COMMD1: variants seen among roughly 807,000 people sequenced by gnomAD.
COMMD1 encodes copper metabolism domain containing 1.
A neutral mutation model predicts 17.2 loss-of-function variants in COMMD1; 10 were observed. The ratio of observed to expected loss-of-function variants is 0.58; its 90% CI spans 0.36 to 0.99. The LOEUF (loss-of-function observed/expected upper bound fraction) is 0.99, where lower values mean the gene tolerates loss of function less well. Among genes scored for constraint, COMMD1 ranks in the 50% least tolerant of loss-of-function variants. The pLI is 0.01. For missense variants in COMMD1, 270 were observed against 231.8 expected (o/e 1.17, Z -1.07); for synonymous variants, 97 against 91.6 (o/e 1.06, Z -0.34).
intron 2 of COMMD1, among the ~76,000 whole-genome samples, chr2:62,035,241 C>T (rs1159616766): frequency 1.3e-5 from 2 of 152,194 alleles, no homozygotes; most frequent in Non-Finnish European, 2.9e-5. Context: ...TTAATGGTTT[C>T]TCTAGAAGTT....
intron 1 of COMMD1, among the ~76,000 whole-genome samples, chr2:61,927,454 G>A (rs1023997864): frequency 8.9e-5 from 13 of 145,356 alleles, no homozygotes; most frequent in African/African-American, 2.3e-4. Flanking sequence ...GTGCAGTGGC[G>A]CGATGTCAGC....
intron 1 of COMMD1, among the ~76,000 whole-genome samples, chr2:61,992,858 G>A (rs981876662): frequency 6.6e-6 from 1 of 152,126 alleles, no homozygotes; most frequent in Non-Finnish European, 1.5e-5. Context: ...ATAGTTCTAT[G>A]CAGAGTTCCT....
At chr2:61,968,377 C>A (rs1018636697) in intron 1 of COMMD1, among the ~76,000 whole-genome samples, 1 of 152,098 alleles carries the variant, frequency 6.6e-6, no homozygotes, top group Non-Finnish European at 1.5e-5. Context: ...AGCAAATTCT[C>A]TTTGCTTAAT....
intron 1 of COMMD1, among the ~76,000 whole-genome samples, chr2:61,965,251 A>G (rs1671475973): frequency 6.6e-6 from 1 of 152,232 alleles, no homozygotes; most frequent in South Asian, 2.1e-4. Flanking sequence ...AGGTTTTAAT[A>G]TGGAAGCATA....
At chr2:62,049,922 T>C (rs1473301528) in intron 2 of COMMD1, among the ~76,000 whole-genome samples, 3 of 152,240 alleles carry the variant, frequency 2.0e-5, no homozygotes, top group Non-Finnish European at 4.4e-5. Context: ...TATTATTATC[T>C]GTTGTCAGTT....
chr2:62,049,555 G>T (rs1292018126), intron 2 of COMMD1, among the ~76,000 whole-genome samples: 2 of 152,140 alleles, frequency 1.3e-5, no homozygotes, highest in African/African-American at 4.8e-5. Context: ...CCACAACAAA[G>T]AATTTTCCAG....
At chr2:61,975,595 ATTTC>A (rs1379933535) in intron 1 of COMMD1, among the ~76,000 whole-genome samples, 1 of 152,074 alleles carries the variant, frequency 6.6e-6, no homozygotes, top group Non-Finnish European at 1.5e-5. Flanking sequence ...CTTTCTGTAA[ATTTC>A]TTTATAAGCA....
At position 62,099,311 on chromosome 2, in the gene COMMD1, A is replaced by G. The variant is rs1269663776; in HGVS notation, c.463-36520A>G. On this transcript the variant is annotated intron_variant, in intron 2 of 2. Transcript: ENST00000311832. ...TTTTGATGATTCTAGATGCCACCTA[A>G]GTACGATTCCCATTCATTTTCTTTG... 2.0e-5 allele frequency among the ~76,000 whole-genome samples: 3 copies of G among 152,276 alleles called. No individual in the cohort carries two copies. The East Asian group carries it at 5.8e-4, about 29-fold the overall frequency.
chr2:62,103,826 T>C (rs1573190462), intron 2 of COMMD1, among the ~76,000 whole-genome samples: 1 of 152,074 alleles, frequency 6.6e-6, no homozygotes, highest in Non-Finnish European at 1.5e-5. Context: ...TAATTAGAAC[T>C]GTAATGTGTG....
chr2:61,914,968 G>A (rs1011557742), intron 1 of COMMD1, among the ~76,000 whole-genome samples: 4 of 150,872 alleles, frequency 2.7e-5, no homozygotes, highest in Non-Finnish European at 4.4e-5. Context: ...TTACAGGCAT[G>A]AGCCACTGTA....
chr2:62,093,595 C>T (rs557808927), intron 2 of COMMD1, among the ~76,000 whole-genome samples: 8 of 152,096 alleles, frequency 5.3e-5, no homozygotes, highest in Non-Finnish European at 8.8e-5. Context: ...ATTTGTAGGA[C>T]GAAAGGTACA....
At position 61,927,910 on chromosome 2, in the gene COMMD1, G is replaced by T. The variant is rs980559616; in HGVS notation, c.180+22052G>T. On this transcript the variant is annotated intron_variant, in intron 1 of 2. Transcript: ENST00000311832. ...CTCTCGAGTAGCTGGGATTACAGGC[G>T]CATGCCACCACGCCTGGCTAATTTT... Among the ~76,000 whole-genome samples the T allele has an allele frequency of 4.6e-5, 7 of 151,944 alleles. No individual in the cohort carries two copies. In the South Asian group the frequency reaches 1.2e-3, roughly 27 times the overall value.
Position 61,905,867 on chromosome 2 carries a change from C to T in COMMD1, c.180+9C>T. 6.2e-7 allele frequency: 1 copy of T among 1,614,070 alleles called. No homozygotes were observed. Among genetic ancestry groups the T allele is most frequent in the Non-Finnish European group, 8.5e-7 (1 of 1,179,930 alleles). On this transcript the variant is annotated intron_variant, in intron 1 of 2. Transcript: ENST00000311832. ...TGAGGGGGATTCTTAAGGTACTGCTCTTTTCTGTAGTCTCCGGCTTGGAGC... is the reference window on the plus strand; with the variant it reads ...TGAGGGGGATTCTTAAGGTACTGCTTTTTTCTGTAGTCTCCGGCTTGGAGC...
chr2:62,013,998 T>C (rs1310567732), intron 2 of COMMD1, among the ~76,000 whole-genome samples: 4 of 152,236 alleles, frequency 2.6e-5, no homozygotes, highest in African/African-American at 7.2e-5. Flanking sequence ...AAATTTTTTA[T>C]AGACTTTAAA....
intron 1 of COMMD1, chr2:61,968,857 CT>C (rs1671572131): frequency 5.0e-6 from 1 of 201,260 alleles, no homozygotes. Flanking sequence ...CGTGCCTGGC[CT>C]CAGTTTTTAC....
At chr2:62,001,924 T>G (rs1159633085) in intron 2 of COMMD1, among the ~76,000 whole-genome samples, 5 of 151,964 alleles carry the variant, frequency 3.3e-5, no homozygotes, top group African/African-American at 9.7e-5. Flanking sequence ...CCCCAGCACT[T>G]TGGGAGGCTG....
chr2:62,069,216 CA>C (rs1277343350), intron 2 of COMMD1, among the ~76,000 whole-genome samples: 1 of 151,910 alleles, frequency 6.6e-6, no homozygotes, highest in Non-Finnish European at 1.5e-5. Context: ...AGGCTGGTCT[CA>C]AACTCCTGGG....
At chr2:62,018,957 C>A (rs377150143) in intron 2 of COMMD1, among the ~76,000 whole-genome samples, 1 of 152,004 alleles carries the variant, frequency 6.6e-6, no homozygotes, top group Non-Finnish European at 1.5e-5. Flanking sequence ...AGAGCAGGAG[C>A]ACTGTGTCCT....
chr2:61,957,614 C>G (rs974538230), intron 1 of COMMD1, among the ~76,000 whole-genome samples: 1 of 152,028 alleles, frequency 6.6e-6, no homozygotes, highest in African/African-American at 2.4e-5. Context: ...TGGCAATAGT[C>G]TATAAAATCT....
Sources: gnomAD v4.1 joint callset for allele counts (sites outside exome capture counted in the v4.1 genomes callset) on GRCh38, gnomAD v4.1.1 for gene constraint, MANE v1.5 for transcripts, NCBI Gene and HGNC (gene_info 2026-07-23, HGNC 2026-07-21) for gene names.